SCLT1: variants seen among roughly 807,000 people sequenced by gnomAD.
SCLT1 encodes sodium channel and clathrin linker 1, also known as sodium channel-associated protein 1.
In SCLT1, 78 loss-of-function variants were observed where a neutral mutation model predicts 112.8. The ratio of observed to expected loss-of-function variants is 0.69; its 90% CI spans 0.58 to 0.83. The LOEUF is 0.83. Among genes scored for constraint, SCLT1 ranks in the 40% least tolerant of loss-of-function variants. The pLI is 0.00. For missense variants in SCLT1, 747 were observed against 770.4 expected (o/e 0.97, Z 0.36); for synonymous variants, 257 against 254.7 (o/e 1.01, Z -0.09).
intron 9 of SCLT1, among the ~76,000 whole-genome samples, chr4:128,975,968 C>T (rs1169902276): frequency 6.6e-6 from 1 of 152,172 alleles, no homozygotes; most frequent in East Asian, 1.9e-4. Context: ...ATACGCTGAG[C>T]TATCAAAACT....
chr4:129,007,699 T>C (rs1744151280), intron 5 of SCLT1, among the ~76,000 whole-genome samples: 1 of 152,196 alleles, frequency 6.6e-6, no homozygotes, highest in Non-Finnish European at 1.5e-5. Context: ...CTCTTAAAAT[T>C]ATAGCATGTA....
At chr4:128,903,474 T>C (rs1560822686) in intron 18 of SCLT1, among the ~76,000 whole-genome samples, 1 of 152,102 alleles carries the variant, frequency 6.6e-6, no homozygotes, top group African/African-American at 2.4e-5. Flanking sequence ...ATAGAAAACA[T>C]AGTAGTTAGA....
chr4:129,047,836 T>C (rs1748334046), intron 2 of SCLT1, among the ~76,000 whole-genome samples: 1 of 152,142 alleles, frequency 6.6e-6, no homozygotes, highest in African/African-American at 2.4e-5. Context: ...ATTAGATTCT[T>C]CTTTTAACTG....
At chr4:129,058,253 C>G (rs1314862073) in intron 2 of SCLT1, among the ~76,000 whole-genome samples, 1 of 151,978 alleles carries the variant, frequency 6.6e-6, no homozygotes, top group Non-Finnish European at 1.5e-5. Context: ...TTATTTCTTT[C>G]CCTATACTAT....
chr4:129,006,748 T>C (rs1744065157), intron 5 of SCLT1, among the ~76,000 whole-genome samples: 1 of 152,160 alleles, frequency 6.6e-6, no homozygotes, highest in South Asian at 2.1e-4. Context: ...GCGTTTCTAA[T>C]GCTTGCTGTC....
chr4:128,889,934 T>C (rs1463828187), intron 19 of SCLT1, among the ~76,000 whole-genome samples: 1 of 152,170 alleles, frequency 6.6e-6, no homozygotes, highest in East Asian at 1.9e-4. Context: ...TACAGTAATA[T>C]AAAATATTGA....
chr4:129,019,272 C>T (rs1367250318), intron 5 of SCLT1, among the ~76,000 whole-genome samples: 1 of 152,116 alleles, frequency 6.6e-6, no homozygotes, highest in Non-Finnish European at 1.5e-5. Flanking sequence ...TGGCAAAGAT[C>T]ATCTTTATAA....
chr4:128,892,794 A>G (rs1010275921), intron 18 of SCLT1, among the ~76,000 whole-genome samples: 9 of 152,212 alleles, frequency 5.9e-5, no homozygotes, highest in Non-Finnish European at 4.4e-5. Context: ...TCATAAACAC[A>G]GGTTCATTGA....
At chr4:128,957,542 T>C (rs1018366665) in intron 12 of SCLT1, among the ~76,000 whole-genome samples, 30 of 152,166 alleles carry the variant, frequency 2.0e-4, no homozygotes, top group Admixed American at 1.6e-3. Flanking sequence ...AATTTGATCA[T>C]TGCAGACACT....
intron 15 of SCLT1, among the ~76,000 whole-genome samples, chr4:128,947,286 C>T (rs1738254404): frequency 6.6e-6 from 1 of 152,160 alleles, no homozygotes; most frequent in African/African-American, 2.4e-5. Context: ...ACATTCATCC[C>T]AAACCCTGAT....
rs1367038325 is a variant in SCLT1 at position 129,023,108 on chromosome 4, TCAC to T, written c.290+15930_290+15932del. Among the ~76,000 whole-genome samples, 6 of 152,318 alleles carry T rather than the reference TCAC, an allele frequency of 3.9e-5. No homozygotes were observed. The East Asian group carries it at 5.8e-4, about 15-fold the overall frequency. ...GACAAGCAAATGCTGAGGTATTTTG[TCAC>T]CACCACATCTGTCTTCCAAGAGCTC... On this transcript the variant is annotated intron_variant, in intron 5 of 20. Transcript: ENST00000281142.
intron 5 of SCLT1, 132 bp downstream of exon 5, chr4:129,038,909 A>G: frequency 3.0e-6 from 2 of 661,868 alleles, no homozygotes; most frequent in Non-Finnish European, 2.7e-6. Flanking sequence ...TCGAGCCAGG[A>G]GTCAAATAGA....
At chr4:128,888,348 T>C (rs534046518) in intron 20 of SCLT1, among the ~76,000 whole-genome samples, 4 of 151,984 alleles carry the variant, frequency 2.6e-5, no homozygotes, top group South Asian at 2.1e-4. Flanking sequence ...TTCCCAGTAG[T>C]TGGAAACAGA....
At chr4:129,020,984 C>T (rs1304402720) in intron 5 of SCLT1, among the ~76,000 whole-genome samples, 1 of 152,106 alleles carries the variant, frequency 6.6e-6, no homozygotes, top group African/African-American at 2.4e-5. Flanking sequence ...ACAGGAACAG[C>T]TCCGGTCTGC....
Position 128,890,106 on chromosome 4 carries a change from G to A in SCLT1, c.1908+953C>T, listed in dbSNP as rs573303080. Reference sequence around the variant, plus strand: ...AAGCACATCATATGCTAGAGAAAACGGGGGAAAAAATTCCATCATCTGTAA... The same window carrying A: ...AAGCACATCATATGCTAGAGAAAACAGGGGAAAAAATTCCATCATCTGTAA... On this transcript the variant is annotated intron_variant, in intron 19 of 20. Transcript: ENST00000281142. 1.8e-4 allele frequency among the ~76,000 whole-genome samples: 28 copies of A among 152,142 alleles called. No individual in the cohort carries two copies. In the East Asian group the frequency reaches 4.6e-3, roughly 25 times the overall value.
At chr4:128,986,823 C>G (rs1245268790) in intron 9 of SCLT1, among the ~76,000 whole-genome samples, 1 of 152,134 alleles carries the variant, frequency 6.6e-6, no homozygotes, top group African/African-American at 2.4e-5. Context: ...TGGCTGCAGG[C>G]CTTGGGTTAG....
exon 4 of SCLT1, chr4:128,876,543 T>TTAAC (rs979284381): frequency 2.6e-5 from 4 of 152,228 alleles, no homozygotes; most frequent in African/African-American, 9.6e-5. Flanking sequence ...AACTTCACAA[T>TTAAC]TAACTTCAAG....
intron 9 of SCLT1, among the ~76,000 whole-genome samples, chr4:128,973,586 G>A (rs976624872): frequency 6.6e-6 from 1 of 151,918 alleles, no homozygotes; most frequent in African/African-American, 2.4e-5. Context: ...CCTAGATCTT[G>A]CACACCCAAT....
chr4:129,013,330 A>G (rs756900292), intron 5 of SCLT1, among the ~76,000 whole-genome samples: 1 of 152,178 alleles, frequency 6.6e-6, no homozygotes, highest in Non-Finnish European at 1.5e-5. Context: ...TGGTATTGAT[A>G]TGTATGGATT....
Sources: allele counts gnomAD v4.1 joint callset (sites outside exome capture counted in the v4.1 genomes callset), GRCh38; gene constraint gnomAD v4.1.1; transcripts MANE v1.5; gene names NCBI Gene and HGNC (gene_info 2026-07-23, HGNC 2026-07-21).